The following HS3ST3A1 variants were observed in gnomAD, a reference collection of about 807,000 sequenced individuals.
HS3ST3A1 encodes heparan sulfate-glucosamine 3-sulfotransferase 3A1.
A neutral mutation model predicts 25.7 loss-of-function variants in HS3ST3A1; 19 were observed. That is an observed-to-expected ratio of 0.74 (90% CI 0.52 to 1.08). The LOEUF (loss-of-function observed/expected upper bound fraction) is 1.08. Among genes scored for constraint, HS3ST3A1 ranks in the 50% least tolerant of loss-of-function variants. HS3ST3A1 has a pLI of 0.00. For missense variants in HS3ST3A1, 459 were observed against 594.3 expected (o/e 0.77, Z 2.37); for synonymous variants, 226 against 278.6 (o/e 0.81, Z 1.88).
intron 1 of HS3ST3A1, among the ~76,000 whole-genome samples, chr17:13,572,796 T>A (rs1315952621): frequency 6.6e-6 from 1 of 152,124 alleles, no homozygotes; most frequent in Non-Finnish European, 1.5e-5. Context: ...CACAGGAAAA[T>A]AAAAAATTGA....
intron 1 of HS3ST3A1, among the ~76,000 whole-genome samples, chr17:13,573,763 G>A (rs1325772132): frequency 6.6e-6 from 1 of 152,186 alleles, no homozygotes; most frequent in Non-Finnish European, 1.5e-5. Flanking sequence ...CAATGTGATG[G>A]TACGAGGAGC....
chr17:13,501,690 A>G (rs894693704), intron 1 of HS3ST3A1, among the ~76,000 whole-genome samples: 9 of 152,156 alleles, frequency 5.9e-5, no homozygotes, highest in African/African-American at 1.7e-4. Flanking sequence ...AAATTCCTGG[A>G]CTGTAATGAA....
chr17:13,526,962 G>A (rs1906452083), intron 1 of HS3ST3A1, among the ~76,000 whole-genome samples: 1 of 152,070 alleles, frequency 6.6e-6, no homozygotes, highest in Non-Finnish European at 1.5e-5. Flanking sequence ...CCACAGTGGT[G>A]GTTTTCTATG....
At chr17:13,591,157 T>C (rs1351866702) in intron 1 of HS3ST3A1, among the ~76,000 whole-genome samples, 1 of 151,390 alleles carries the variant, frequency 6.6e-6, no homozygotes, top group Non-Finnish European at 1.5e-5. Context: ...GGCCATCCTC[T>C]TACCTCAGCC....
chr17:13,575,137 GCTCTCTCAGTTGTGAAA>G (rs1458025444), intron 1 of HS3ST3A1, among the ~76,000 whole-genome samples: 1 of 152,072 alleles, frequency 6.6e-6, no homozygotes, highest in Non-Finnish European at 1.5e-5. Flanking sequence ...ACTCTTGCTT[GCTCTCTCAGTTGTGAAA>G]CTCTCTGATA....
chr17:13,567,431 A>G (rs1907702580), intron 1 of HS3ST3A1, among the ~76,000 whole-genome samples: 1 of 152,222 alleles, frequency 6.6e-6, no homozygotes, highest in African/African-American at 2.4e-5. Flanking sequence ...AGTAATTTTG[A>G]CTTTCAAGTC....
chr17:13,510,468 G>A (rs12936110), intron 1 of HS3ST3A1, among the ~76,000 whole-genome samples: 80,337 of 151,982 alleles, frequency 0.53, 21,339 homozygotes, highest in Non-Finnish European at 0.54. Flanking sequence ...ATATTTTGGC[G>A]ATGGTGGTTT....
At chr17:13,562,863 T>C (rs764051278) in intron 1 of HS3ST3A1, among the ~76,000 whole-genome samples, 2 of 152,008 alleles carry the variant, frequency 1.3e-5, no homozygotes, top group Non-Finnish European at 2.9e-5. Context: ...TTTGAGTTAA[T>C]AAAAAGACGA....
intron 1 of HS3ST3A1, 140 bp downstream of exon 1, chr17:13,600,391 A>G: frequency 7.3e-7 from 1 of 1,370,614 alleles, no homozygotes; most frequent in South Asian, 1.6e-5. Context: ...CGGAGAGGGA[A>G]GAAAGACCCT....
Position 13,601,075 on chromosome 17 carries a change from G to A in HS3ST3A1, c.55C>T (p.Arg19Cys). Reference protein sequence around the residue: ...ALSTSAEPLSRSIFRKFLLML... With the variant: ...ALSTSAEPLSCSIFRKFLLML... ...AGCAAGAACTTCCGGAAGATGCTGC[G>A]GGACAGCGGCTCGGCCGAGGTGGAG... The change falls in exon 1 of 2, where the codon CGC (arginine) becomes TGC (cysteine). Residue 19 changes from arginine to cysteine, a missense_variant. Around this residue, in one of 3 missense-constraint regions of HS3ST3A1, gnomAD observed 346 missense variants for 303.9 expected, o/e 1.14. Coordinates refer to ENST00000284110, the MANE Select transcript of HS3ST3A1 (RefSeq NM_006042.3). 1.3e-6 allele frequency: 2 copies of A among 1,597,738 alleles called. No homozygotes were observed. The highest frequency in any genetic ancestry group is 2.3e-5 in the South Asian group (2 of 88,308).
intron 1 of HS3ST3A1, among the ~76,000 whole-genome samples, chr17:13,565,533 A>C (rs1267679668): frequency 7.6e-6 from 1 of 130,742 alleles, no homozygotes; most frequent in Non-Finnish European, 1.8e-5. Context: ...CCCTGTCTCA[A>C]AAAAATAAAT....
In HS3ST3A1 at chr17:13,500,953, C is replaced by T. The variant is rs192888295; in HGVS notation, c.600-4135G>A. ...AATACTATTCAGAAATTCTGACATACACTCCAACATAGATGAACCCTGGGG... is the reference window on the plus strand; with the variant it reads ...AATACTATTCAGAAATTCTGACATATACTCCAACATAGATGAACCCTGGGG... On this transcript the variant is annotated intron_variant, in intron 1 of 1. Transcript: ENST00000284110. Among the ~76,000 whole-genome samples the T allele has an allele frequency of 4.4e-3, 671 of 152,302 alleles. 5 individuals carry two copies. Among genetic ancestry groups the T allele is most frequent in the African/African-American group, 0.016 (645 of 41,564 alleles).
chr17:13,536,556 A>G (rs1906776411), intron 1 of HS3ST3A1, among the ~76,000 whole-genome samples: 1 of 152,210 alleles, frequency 6.6e-6, no homozygotes, highest in Admixed American at 6.5e-5. Context: ...AAATTCCATA[A>G]TACAGAGAAG....
intron 1 of HS3ST3A1, among the ~76,000 whole-genome samples, chr17:13,507,532 C>A (rs1183937269): frequency 6.6e-6 from 1 of 152,170 alleles, no homozygotes; most frequent in Admixed American, 6.5e-5. Flanking sequence ...TAAATGCATT[C>A]TTTACCTATC....
intron 1 of HS3ST3A1, among the ~76,000 whole-genome samples, chr17:13,500,743 G>A: frequency 6.6e-6 from 1 of 152,188 alleles, no homozygotes; most frequent in East Asian, 1.9e-4. Context: ...GTTTTGTCCT[G>A]AGGGAGGCAA....
Position 13,601,434 on chromosome 17 carries a change from C to A in HS3ST3A1, c.-305G>T. The A allele has an allele frequency of 3.3e-6, 1 of 306,130 alleles. No homozygotes were observed. The allele number at this position is 306,130 out of a possible 1,614,324, so 19.0% of individuals were successfully genotyped here. Reference sequence around the variant, plus strand: ...TGAGCTTGGGGCAGCCTTGGCCCCTCGGTTCCCCGCAAGAGTCGCCGGAAT... The same window carrying A: ...TGAGCTTGGGGCAGCCTTGGCCCCTAGGTTCCCCGCAAGAGTCGCCGGAAT... On this transcript the variant is annotated 5_prime_UTR_variant, in exon 1 of 2. Transcript: ENST00000284110.
intron 1 of HS3ST3A1, among the ~76,000 whole-genome samples, chr17:13,540,338 A>G (rs1418227597): frequency 6.6e-6 from 1 of 152,180 alleles, no homozygotes; most frequent in Non-Finnish European, 1.5e-5. Flanking sequence ...TTAAAGCTCT[A>G]GTTAGTGGAA....
intron 1 of HS3ST3A1, among the ~76,000 whole-genome samples, chr17:13,499,658 G>A (rs985956039): frequency 2.6e-5 from 4 of 151,998 alleles, no homozygotes; most frequent in Non-Finnish European, 5.9e-5. Flanking sequence ...AGAGATTGAG[G>A]CTATAGATTG....
At chr17:13,587,256 T>A (rs1446003474) in intron 1 of HS3ST3A1, among the ~76,000 whole-genome samples, 1 of 151,680 alleles carries the variant, frequency 6.6e-6, no homozygotes, top group East Asian at 2.0e-4. Context: ...GAGATCGAGA[T>A]CATCCTGGCC....
Sources: allele counts gnomAD v4.1 joint callset (sites outside exome capture counted in the v4.1 genomes callset), GRCh38; gene constraint gnomAD v4.1.1; regional missense constraint gnomAD v4.1.1; transcripts MANE v1.5; gene names NCBI Gene and HGNC (gene_info 2026-07-23, HGNC 2026-07-21).